Variants in KIF3A observed in about 807,000 individuals in gnomAD.
The protein encoded by KIF3A is kinesin family member 3A, also known as kinesin-like protein KIF3A.
KIF3A carries 27 observed loss-of-function variants against 92.6 expected under a neutral mutation model. The observed-to-expected ratio is 0.29, with a 90% CI of 0.21 to 0.40. KIF3A has a LOEUF of 0.40. Ranked by LOEUF, KIF3A falls within the 10% of genes least tolerant of loss-of-function variation. The pLI is 1.00. For missense variants in KIF3A, 581 were observed against 872.6 expected, an observed-to-expected ratio of 0.67 and a Z score of 4.21; for synonymous variants, 250 against 275.4, an observed-to-expected ratio of 0.91 and a Z score of 0.92.
intron 2 of KIF3A, among the ~76,000 whole-genome samples, chr5:132,732,567 G>C (rs1261401906): frequency 6.6e-6 from 1 of 152,132 alleles, no homozygotes; most frequent in Admixed American, 6.5e-5. Flanking sequence ...ACAAGATCAG[G>C]AGTTCAAAAC....
chr5:132,714,295 T>A (rs940990436), intron 8 of KIF3A, among the ~76,000 whole-genome samples: 3 of 152,214 alleles, frequency 2.0e-5, no homozygotes, highest in Non-Finnish European at 4.4e-5. Flanking sequence ...GGGTACATAC[T>A]GTTTTTAATG....
intron 5 of KIF3A, among the ~76,000 whole-genome samples, chr5:132,720,119 G>T (rs1047612288): frequency 6.6e-6 from 1 of 152,162 alleles, no homozygotes; most frequent in African/African-American, 2.4e-5. Context: ...TGGGATTACA[G>T]GCATGAGCCA....
At chr5:132,716,034 C>T in intron 7 of KIF3A, 103 bp from the exon 8 acceptor site, 1 of 940,474 alleles carries the variant, frequency 1.1e-6, no homozygotes, top group Non-Finnish European at 1.6e-6. Context: ...ACATATGCAC[C>T]CTTGGCCTTC....
intron 5 of KIF3A, among the ~76,000 whole-genome samples, chr5:132,718,340 C>A (rs562754231): frequency 6.6e-6 from 1 of 152,152 alleles, no homozygotes; most frequent in Non-Finnish European, 1.5e-5. Context: ...GACAGGGTCT[C>A]CCTCTGTCAC....
intron 14 of KIF3A, 28 bp downstream of exon 14, chr5:132,702,530 T>C (rs918891732): frequency 2.3e-6 from 3 of 1,313,624 alleles, no homozygotes; most frequent in African/African-American, 2.9e-5. Flanking sequence ...CAGAACTGCA[T>C]TAGTAGGTAA....
At chr5:132,737,072 C>T in intron 1 of KIF3A, 1 of 411,370 alleles carries the variant, frequency 2.4e-6, no homozygotes, top group Non-Finnish European at 4.3e-6. Context: ...ATCCAAAGAG[C>T]CCCACCGTGG....
chr5:132,730,671 T>TA (rs1465162378), intron 2 of KIF3A, among the ~76,000 whole-genome samples: 6 of 151,750 alleles, frequency 4.0e-5, no homozygotes, highest in African/African-American at 1.5e-4. Flanking sequence ...GGCACACACA[T>TA]ATAGTCCCAC....
intron 1 of KIF3A, 58 bp from the exon 2 acceptor site, chr5:132,734,536 A>C: frequency 6.7e-7 from 1 of 1,486,824 alleles, no homozygotes; most frequent in Non-Finnish European, 9.0e-7. Context: ...CCCTCATCAG[A>C]TTAAATTTAT....
chr5:132,718,877 C>A (rs1753731446), intron 5 of KIF3A, among the ~76,000 whole-genome samples: 1 of 152,156 alleles, frequency 6.6e-6, no homozygotes, highest in East Asian at 1.9e-4. Flanking sequence ...AATCTGCCCA[C>A]CTTGGCCTCC....
chr5:132,729,676 G>A (rs927200966), intron 2 of KIF3A, among the ~76,000 whole-genome samples: 7 of 152,022 alleles, frequency 4.6e-5, no homozygotes, highest in Non-Finnish European at 1.0e-4. Flanking sequence ...AAATCAGGAG[G>A]TAAAATAGTA....
intron 2 of KIF3A, 110 bp from the exon 3 acceptor site, chr5:132,726,608 A>G (rs1331423571): frequency 3.2e-6 from 3 of 950,086 alleles, no homozygotes; most frequent in South Asian, 3.2e-5. Flanking sequence ...CCTGGATTCA[A>G]AATTTATTCT....
Position 132,694,397 on chromosome 5 carries a change from C to T in KIF3A, c.*2237G>A, listed in dbSNP as rs1406607490. 1.3e-5 allele frequency: 2 copies of T among 152,188 alleles called. No individual in the cohort carries two copies. Among genetic ancestry groups the T allele is most frequent in the Non-Finnish European group, 2.9e-5 (2 of 68,030 alleles). 9.4% of individuals were successfully genotyped at this position (152,188 alleles called of 1,614,324 possible). On this transcript the variant is annotated 3_prime_UTR_variant, in exon 19 of 19. Transcript: ENST00000403231. ...ACTCCGTCTCCAAACAAAAAACAAA[C>T]ACCCCTGCTATAGTAGCCTGCTTTT...
At position 132,708,922 on chromosome 5, in the gene KIF3A, C is replaced by G. The variant is rs1212593915; in HGVS notation, c.1285G>C (p.Asp429His). The change falls in exon 10 of 19, where the codon GAT becomes CAT. Residue 429 changes from aspartate (D) to histidine (H), a missense_variant. Around this residue, in one of 5 missense-constraint regions of KIF3A, gnomAD observed 167 missense variants for 205.8 expected, o/e 0.81. Transcript: ENST00000403231. ...STCSVIEKPL[D>H]KFLPNQAGKK... The stretch of plus-strand genomic sequence containing the variant: ...TACCACTCACTAGGCAAGAACTTAT[C>G]CAGAGGTTTCTCTATGACAGAACAT... 2 of 1,549,768 alleles carry G rather than the reference C, an allele frequency of 1.3e-6. No individual in the cohort carries two copies. Among genetic ancestry groups the G allele is most frequent in the African/African-American group, 1.4e-5 (1 of 73,014 alleles).
chr5:132,704,896 A>C (rs930348909), intron 11 of KIF3A, among the ~76,000 whole-genome samples: 2 of 152,118 alleles, frequency 1.3e-5, no homozygotes, highest in East Asian at 1.9e-4. Flanking sequence ...AAGAATCATT[A>C]ATAGGCTTTA....
downstream of KIF3A, among the ~76,000 whole-genome samples, chr5:132,689,315 G>A (rs1006409286): frequency 1.3e-5 from 2 of 152,142 alleles, no homozygotes; most frequent in African/African-American, 4.8e-5. Context: ...GGCTAACGGT[G>A]GTCTTCAGTG....
intron 8 of KIF3A, among the ~76,000 whole-genome samples, chr5:132,714,528 T>C (rs573702646): frequency 3.9e-5 from 6 of 152,338 alleles, no homozygotes; most frequent in African/African-American, 4.8e-5. Flanking sequence ...CAGTCACAAG[T>C]AGATACTCCA....
chr5:132,713,889 CTTTTTTTT>C (rs34191042), intron 8 of KIF3A, among the ~76,000 whole-genome samples: 3 of 83,758 alleles, frequency 3.6e-5, no homozygotes, highest in African/African-American at 4.8e-5. Context: ...ATTTCACTTT[CTTTTTTTT>C]TTTTTTTTTT....
intron 11 of KIF3A, 91 bp from the exon 12 acceptor site, chr5:132,703,710 ACTC>A (rs1455026257): frequency 2.4e-6 from 2 of 824,292 alleles, no homozygotes; most frequent in East Asian, 2.6e-5. Flanking sequence ...AAATGCCTAC[ACTC>A]CTCAATAATA....
At chr5:132,709,023 A>T in intron 9 of KIF3A, 45 bp from the exon 10 acceptor site, 1 of 1,409,782 alleles carries the variant, frequency 7.1e-7, no homozygotes, top group Non-Finnish European at 9.8e-7. Context: ...AAGAAAGAGG[A>T]AACAAGAAAA....
Sources: allele counts gnomAD v4.1 joint callset (sites outside exome capture counted in the v4.1 genomes callset), GRCh38; gene constraint gnomAD v4.1.1; regional missense constraint gnomAD v4.1.1; transcripts MANE v1.5; gene names NCBI Gene and HGNC (gene_info 2026-07-23, HGNC 2026-07-21).